Variants in ARHGEF17 observed in about 807,000 individuals in gnomAD.
ARHGEF17 encodes the protein Rho guanine nucleotide exchange factor 17.
ARHGEF17 carries 80 observed loss-of-function variants against 174.0 expected under a neutral mutation model. The observed-to-expected ratio is 0.46, with a 90% CI of 0.38 to 0.55. The LOEUF (loss-of-function observed/expected upper bound fraction) is 0.55. Among genes scored for constraint, ARHGEF17 ranks in the 20% least tolerant of loss-of-function variants. The pLI, the probability that ARHGEF17 is intolerant of heterozygous loss-of-function variation, is 0.00. For synonymous variants in ARHGEF17, 1,311 were observed against 1,189.1 expected (o/e 1.10, Z -2.11); for missense variants, 2,886 against 2,839.7 (o/e 1.02, Z -0.37).
intron 1 of ARHGEF17, among the ~76,000 whole-genome samples, chr11:73,314,722 C>T (rs898691891): frequency 6.6e-6 from 1 of 152,120 alleles, no homozygotes; most frequent in Admixed American, 6.5e-5. Context: ...GGAGGCAGAG[C>T]TGTCAGGCCT....
At position 73,310,619 on chromosome 11, in the gene ARHGEF17, G is replaced by T. The variant is rs780084735; in HGVS notation, c.1981G>T (p.Gly661Cys). 1.2e-6 allele frequency: 2 copies of T among 1,614,020 alleles called. No homozygotes were observed. The highest frequency in any genetic ancestry group is 2.7e-5 in the African/African-American group (2 of 74,924). The change falls in exon 1 of 21, where the codon GGC (glycine) becomes TGC (cysteine). Residue 661 changes from glycine (G) to cysteine (C), a missense_variant. By Grantham distance (159) the Gly-to-Cys change is radical. Transcript: ENST00000263674. The stretch of plus-strand genomic sequence containing the variant: ...TGAGCCTCCTGTTGCAGCATTTTGC[G>T]GCCTGGGTACCACAGGGATGTGGCG... ...DPEPPVAAFCGLGTTGMWRPL... is the reference protein window; with the variant it reads ...DPEPPVAAFCCLGTTGMWRPL...
rs535528354 is a variant in ARHGEF17 at position 73,358,619 on chromosome 11, G to A, written c.4088-1215G>A. Among the ~76,000 whole-genome samples the A allele has an allele frequency of 3.5e-5, 5 of 142,982 alleles. No individual in the cohort carries two copies. The East Asian group carries it at 5.8e-4, about 17-fold the overall frequency. 93.8% of individuals were successfully genotyped at this position (142,982 alleles called of 152,430 possible). A position where few individuals can be genotyped will look rare whatever the true frequency, so the allele number is the denominator to read the frequency against. On this transcript the variant is annotated intron_variant, in intron 9 of 20. Transcript: ENST00000263674. ...ACTACAGGTGCGCACCACTACGCCC[G>A]GTTAATTTTTTTTTTTTTTGTATTT... is the stretch of plus-strand genomic sequence containing the variant.
At chr11:73,319,141 G>A (rs1455722950) in intron 1 of ARHGEF17, among the ~76,000 whole-genome samples, 1 of 147,622 alleles carries the variant, frequency 6.8e-6, no homozygotes, top group Non-Finnish European at 1.5e-5. Flanking sequence ...TCAGCTCACT[G>A]CAACCTCCAC....
intron 1 of ARHGEF17, among the ~76,000 whole-genome samples, chr11:73,328,947 A>G (rs764723761): frequency 1.3e-5 from 2 of 152,130 alleles, no homozygotes; most frequent in Non-Finnish European, 2.9e-5. Context: ...AGGATGGAGA[A>G]GGAAGAAGAG....
At chr11:73,363,938 G>A in intron 16 of ARHGEF17, 105 bp downstream of exon 16, 3 of 1,320,600 alleles carry the variant, frequency 2.3e-6, no homozygotes, top group Non-Finnish European at 3.2e-6. Flanking sequence ...TCCTCTGTGT[G>A]GAGGCTGGAA....
chr11:73,357,907 C>T (rs1031003267), intron 9 of ARHGEF17, among the ~76,000 whole-genome samples: 3 of 152,232 alleles, frequency 2.0e-5, no homozygotes, highest in African/African-American at 7.2e-5. Flanking sequence ...CAGGCTGGCT[C>T]CTGGCTCAGC....
At chr11:73,351,385 G>T (rs887227298) in intron 2 of ARHGEF17, among the ~76,000 whole-genome samples, 1 of 152,174 alleles carries the variant, frequency 6.6e-6, no homozygotes, top group South Asian at 2.1e-4. Flanking sequence ...CTCCACAAGC[G>T]CACCGGCCCC....
intron 1 of ARHGEF17, among the ~76,000 whole-genome samples, chr11:73,344,105 G>T (rs977035738): frequency 6.6e-6 from 1 of 152,160 alleles, no homozygotes; most frequent in East Asian, 1.9e-4. Context: ...CTCAGTGCCC[G>T]GTGTAGCGAA....
At position 73,309,369 on chromosome 11, in the gene ARHGEF17, G is replaced by A; in HGVS notation, c.731G>A (p.Arg244His). The change falls in exon 1 of 21, where the codon CGC (arginine) becomes CAC (histidine). Residue 244 changes from arginine (R) to histidine (H), a missense_variant. Transcript: ENST00000263674. ...ATCGCCGCCTCCTATCCTGTCAGCCGCAGTCGTGCTGCCAGCTCCAGCGAG... is the reference window on the plus strand; with the variant it reads ...ATCGCCGCCTCCTATCCTGTCAGCCACAGTCGTGCTGCCAGCTCCAGCGAG... ...SSIAASYPVS[R>H]SRAASSSEEE... The A allele has an allele frequency of 6.3e-7, 1 of 1,595,404 alleles. No individual in the cohort carries two copies. The highest frequency in any genetic ancestry group is 8.5e-7 in the Non-Finnish European group (1 of 1,171,264).
chr11:73,309,049 C>G lies in ARHGEF17; in HGVS notation c.411C>G (p.Gly137=), dbSNP rs944952498. The change falls in exon 1 of 21, where the codon GGC becomes GGG. Residue 137 remains glycine, a synonymous_variant. Transcript: ENST00000263674. ...TGCGCAAGCTCTTCGGCGGTCCTGG[C>G]TCCAGGAGGCCCAGCGCCGACTCTG... is the stretch of plus-strand genomic sequence containing the variant. ...TEMRKLFGGP[G]SRRPSADSES... 6.7e-7 allele frequency: 1 copy of G among 1,483,032 alleles called. No individual in the cohort carries two copies. Among genetic ancestry groups the G allele is most frequent in the African/African-American group, 1.5e-5 (1 of 68,006 alleles). The allele number at this position is 1,483,032 out of a possible 1,614,324, so 91.9% of individuals were successfully genotyped here.
In ARHGEF17 at chr11:73,362,115, T is replaced by C; in HGVS notation, c.4570T>C (p.Tyr1524His). ...GGTATGGGTCTGCAACAGCGACGGC[T>C]ACGTGGGCCAGGTGTGCCTGCTGAG... ...PEVWVCNSDG[Y>H]VGQVCLLSLR... Residue 1524 changes from tyrosine (Y) to histidine (H), a missense_variant, in exon 13 of 21, where the codon TAC becomes CAC. This residue lies in a region of ARHGEF17 where 476 missense variants were observed against 473.1 expected (regional missense o/e 1.01). Coordinates refer to ENST00000263674, the MANE Select transcript of ARHGEF17 (RefSeq NM_014786.4). 2 of 1,612,476 alleles carry C rather than the reference T, an allele frequency of 1.2e-6. No homozygotes were observed. The highest frequency in any genetic ancestry group is 1.1e-5 in the South Asian group (1 of 91,042).
At chr11:73,333,671 C>T (rs1865244949) in intron 1 of ARHGEF17, among the ~76,000 whole-genome samples, 1 of 152,178 alleles carries the variant, frequency 6.6e-6, no homozygotes, top group South Asian at 2.1e-4. Flanking sequence ...ACTTACTCTC[C>T]CCTCAGAGTG....
Position 73,347,178 on chromosome 11 carries a change from C to A in ARHGEF17, c.3270+218C>A. On this transcript the variant is annotated intron_variant, in intron 2 of 20. Coordinates refer to ENST00000263674, the MANE Select transcript of ARHGEF17 (RefSeq NM_014786.4). ...AGAGAATGCAGAGGGGCCAGGCCACCCCAGGGCAGGCGTCCCTACCCTGCT... is the reference window on the plus strand; with the variant it reads ...AGAGAATGCAGAGGGGCCAGGCCACACCAGGGCAGGCGTCCCTACCCTGCT... 7.6e-6 allele frequency: 5 copies of A among 661,516 alleles called. No individual in the cohort carries two copies. The South Asian group carries it at 7.8e-5, about 10-fold the overall frequency. 41.0% of individuals were successfully genotyped at this position (661,516 alleles called of 1,614,324 possible).
intron 16 of ARHGEF17, 33 bp downstream of exon 16, chr11:73,363,866 C>G (rs773478183): frequency 6.3e-7 from 1 of 1,599,294 alleles, no homozygotes; most frequent in South Asian, 1.1e-5. Flanking sequence ...CCTATCTAGA[C>G]TCTTCTCAGC....
intron 1 of ARHGEF17, among the ~76,000 whole-genome samples, chr11:73,321,618 G>A (rs1042401383): frequency 6.6e-6 from 1 of 152,210 alleles, no homozygotes; most frequent in Non-Finnish European, 1.5e-5. Context: ...AGCCCTGGGC[G>A]CTGGCTCCAG....
At chr11:73,315,504 G>A (rs1864914035) in intron 1 of ARHGEF17, among the ~76,000 whole-genome samples, 1 of 152,180 alleles carries the variant, frequency 6.6e-6, no homozygotes, top group Non-Finnish European at 1.5e-5. Context: ...CTGCGGGGGT[G>A]GAGGTTCTCT....
At chr11:73,339,324 C>T (rs541180899) in intron 1 of ARHGEF17, among the ~76,000 whole-genome samples, 1 of 152,348 alleles carries the variant, frequency 6.6e-6, no homozygotes, top group African/African-American at 2.4e-5. Context: ...CAATTGATTA[C>T]TCATGCATTA....
Position 73,309,412 on chromosome 11 carries a change from G to C in ARHGEF17, c.774G>C (p.Pro258=). 5 of 1,552,912 alleles carry C rather than the reference G, an allele frequency of 3.2e-6. No homozygotes were observed. The highest frequency in any genetic ancestry group is 4.4e-6 in the Non-Finnish European group (5 of 1,147,286). ...CCAGCGAGGAGGAAGAGGAGGGCCCGCCGCAGCTGCCTGGAGCCCAGAGTC... is the reference window on the plus strand; with the variant it reads ...CCAGCGAGGAGGAAGAGGAGGGCCCCCCGCAGCTGCCTGGAGCCCAGAGTC... The part of the protein sequence containing the change: ...ASSSEEEEEG[P]PQLPGAQSPA... The change falls in exon 1 of 21, where the codon CCG becomes CCC. Residue 258 remains proline, a synonymous_variant. Transcript: ENST00000263674.
intron 18 of ARHGEF17, chr11:73,364,882 A>T (rs2134424044): frequency 9.7e-6 from 4 of 413,512 alleles, no homozygotes; most frequent in Non-Finnish European, 1.7e-5. Context: ...TGGGGATAGG[A>T]CAAGAGTCCT....
Sources: allele counts gnomAD v4.1 joint callset (sites outside exome capture counted in the v4.1 genomes callset), GRCh38; gene constraint gnomAD v4.1.1; regional missense constraint gnomAD v4.1.1; transcripts MANE v1.5; gene names NCBI Gene and HGNC (gene_info 2026-07-23, HGNC 2026-07-21).